The following ADK variants were observed in gnomAD, a reference collection of about 807,000 sequenced individuals.
The protein encoded by ADK is N6,N6-dimethyladenosine kinase.
A neutral mutation model predicts 44.7 loss-of-function variants in ADK; 24 were observed. The observed-to-expected ratio is 0.54, with a 90% CI of 0.39 to 0.76. The LOEUF is 0.76. Among genes scored for constraint, ADK ranks in the 30% least tolerant of loss-of-function variants. The pLI is 0.00. For missense variants in ADK, 321 were observed against 425.1 expected, an observed-to-expected ratio of 0.76 and a Z score of 2.15; for synonymous variants, 128 against 142.6, an observed-to-expected ratio of 0.90 and a Z score of 0.73.
At chr10:74,643,630 G>C (rs1417218255) in intron 9 of ADK, among the ~76,000 whole-genome samples, 1 of 152,066 alleles carries the variant, frequency 6.6e-6, no homozygotes, top group Non-Finnish European at 1.5e-5. Flanking sequence ...ATTTCTGCTG[G>C]TTTTAATTTC....
At chr10:74,502,054 GTCATCCAACCCAATC>G (rs1165704793) in intron 6 of ADK, among the ~76,000 whole-genome samples, 1 of 151,832 alleles carries the variant, frequency 6.6e-6, no homozygotes, top group Non-Finnish European at 1.5e-5. Context: ...GTTTCTCAAG[GTCATCCAACCCAATC>G]TCCTGTTTTT....
At chr10:74,361,930 A>G (rs1842347866) in intron 4 of ADK, among the ~76,000 whole-genome samples, 1 of 152,194 alleles carries the variant, frequency 6.6e-6, no homozygotes, top group African/African-American at 2.4e-5. Flanking sequence ...GTCTGCTACC[A>G]GGCATATTGG....
At chr10:74,338,313 T>C (rs1841477375) in intron 4 of ADK, among the ~76,000 whole-genome samples, 2 of 152,202 alleles carry the variant, frequency 1.3e-5, no homozygotes. Flanking sequence ...TTCTCATCTG[T>C]TGCTGATAGG....
At chr10:74,527,450 TA>T in intron 7 of ADK, 4 of 499,956 alleles carry the variant, frequency 8.0e-6, no homozygotes, top group Non-Finnish European at 1.1e-5. Context: ...TTGAATGCCA[TA>T]AAAAATGCTA....
intron 6 of ADK, among the ~76,000 whole-genome samples, chr10:74,452,933 G>A (rs529423288): frequency 6.6e-6 from 1 of 152,038 alleles, no homozygotes; most frequent in African/African-American, 2.4e-5. Flanking sequence ...ATAAAAATAA[G>A]AACAACTTAT....
At chr10:74,458,271 A>C (rs927466369) in intron 6 of ADK, among the ~76,000 whole-genome samples, 5 of 148,864 alleles carry the variant, frequency 3.4e-5, no homozygotes, top group African/African-American at 4.9e-5. Context: ...TCTGGACTCA[A>C]AGGCGTGCAC....
intron 6 of ADK, among the ~76,000 whole-genome samples, chr10:74,448,882 T>TAA (rs528892869): frequency 6.7e-6 from 1 of 148,506 alleles, no homozygotes; most frequent in African/African-American, 2.5e-5. Flanking sequence ...CTGCCTTTTT[T>TAA]AAAAAAAAAA....
chr10:74,326,912 T>A (rs1300446185), intron 4 of ADK, among the ~76,000 whole-genome samples: 1 of 152,002 alleles, frequency 6.6e-6, no homozygotes, highest in Non-Finnish European at 1.5e-5. Flanking sequence ...CTCACTTTAT[T>A]ATTTGTGTCT....
chr10:74,491,191 G>T (rs1335222081), intron 6 of ADK, among the ~76,000 whole-genome samples: 2 of 152,042 alleles, frequency 1.3e-5, no homozygotes, highest in African/African-American at 4.8e-5. Context: ...GTGTCTTATA[G>T]GTGGAAGATA....
At chr10:74,659,269 T>C (rs2134162713) in intron 9 of ADK, among the ~76,000 whole-genome samples, 1 of 152,192 alleles carries the variant, frequency 6.6e-6, no homozygotes, top group Non-Finnish European at 1.5e-5. Flanking sequence ...GGAAATAAGG[T>C]TTTAGAGCAG....
At chr10:74,706,579 C>G (rs1856610701) in intron 10 of ADK, among the ~76,000 whole-genome samples, 1 of 152,138 alleles carries the variant, frequency 6.6e-6, no homozygotes, top group South Asian at 2.1e-4. Flanking sequence ...TATTTCTGGA[C>G]TCTGTTCAGT....
At position 74,477,676 on chromosome 10, in the gene ADK, C is replaced by T. The variant is rs1417985097; in HGVS notation, c.556-47580C>T. 3.9e-5 allele frequency among the ~76,000 whole-genome samples: 6 copies of T among 152,218 alleles called. No individual in the cohort carries two copies. The South Asian group carries it at 1.2e-3, about 32-fold the overall frequency. On this transcript the variant is annotated intron_variant, in intron 6 of 10. Transcript: ENST00000539909. ...CCCTGGCTATAAAAGATGAGGAAAT[C>T]TTTCTTACCCTCATAGTCTCACACC... is the stretch of plus-strand genomic sequence containing the variant.
intron 3 of ADK, among the ~76,000 whole-genome samples, chr10:74,285,950 A>G (rs1471825389): frequency 6.6e-6 from 1 of 152,208 alleles, no homozygotes; most frequent in Non-Finnish European, 1.5e-5. Flanking sequence ...ATTGACATAT[A>G]CCCTTAAATA....
At chr10:74,696,537 T>A (rs964001532) in intron 10 of ADK, among the ~76,000 whole-genome samples, 1 of 151,168 alleles carries the variant, frequency 6.6e-6, no homozygotes, top group South Asian at 2.1e-4. Context: ...AGCTAATTTT[T>A]TTTTTTGTAT....
chr10:74,624,465 T>C (rs1043184668), intron 9 of ADK, among the ~76,000 whole-genome samples: 117 of 152,272 alleles, frequency 7.7e-4, no homozygotes, highest in Non-Finnish European at 1.1e-3. Flanking sequence ...AATTTGGCAC[T>C]TAGCCATCTA....
rs144069828 is a variant in ADK at position 74,667,882 on chromosome 10, C to T, written c.878-2301C>T. On this transcript the variant is annotated intron_variant, in intron 9 of 10. Coordinates refer to ENST00000539909, the MANE Select transcript of ADK (RefSeq NM_006721.4). ...AATTCAAAATAATCTCTTCCGTTGT[C>T]GATTAGGTTCTGTTCATAAATAAAT... Among the ~76,000 whole-genome samples the T allele has an allele frequency of 6.5e-3, 982 of 151,952 alleles. 13 individuals are homozygous for T. Among genetic ancestry groups the T allele is most frequent in the African/African-American group, 0.023 (933 of 41,432 alleles).
intron 4 of ADK, among the ~76,000 whole-genome samples, chr10:74,382,190 C>A (rs541001111): frequency 6.6e-6 from 1 of 152,266 alleles, no homozygotes; most frequent in Non-Finnish European, 1.5e-5. Context: ...CCTCTACCTC[C>A]CAGGCTCAGG....
chr10:74,275,310 G>T (rs1489917603), intron 3 of ADK, among the ~76,000 whole-genome samples: 1 of 152,080 alleles, frequency 6.6e-6, no homozygotes, highest in Non-Finnish European at 1.5e-5. Flanking sequence ...CTCTGCGCTG[G>T]GGTGGGGGAC....
chr10:74,562,466 A>C (rs549723117), intron 7 of ADK, among the ~76,000 whole-genome samples: 1 of 152,256 alleles, frequency 6.6e-6, no homozygotes. Context: ...GGGTGCAAAC[A>C]CTTTCACTGA....
Sources: gnomAD v4.1 joint callset for allele counts (sites outside exome capture counted in the v4.1 genomes callset) on GRCh38, gnomAD v4.1.1 for gene constraint, MANE v1.5 for transcripts, NCBI Gene and HGNC (gene_info 2026-07-23, HGNC 2026-07-21) for gene names.